Variants in PCSK6 observed in about 807,000 individuals in gnomAD.
The protein encoded by PCSK6 is proprotein convertase subtilisin/kexin type 6.
Under a neutral mutation model 123.3 loss-of-function variants are expected in PCSK6, and 85 were observed. The observed-to-expected ratio is 0.69, with a 90% CI of 0.58 to 0.83. The LOEUF is 0.83. Ranked by LOEUF, PCSK6 falls within the 40% of genes least tolerant of loss-of-function variation. The pLI, the probability that PCSK6 is intolerant of heterozygous loss-of-function variation, is 0.00. For synonymous variants in PCSK6, 508 were observed against 516.0 expected (o/e 0.98, Z 0.21); for missense variants, 1,191 against 1,282.3 (o/e 0.93, Z 1.09).
chr15:101,306,226 G>T (rs74041986), intron 21 of PCSK6, among the ~76,000 whole-genome samples: 4,690 of 152,186 alleles, frequency 0.031, 203 homozygotes, highest in African/African-American at 0.087. Context: ...ATCATCCGTG[G>T]ACCTGGGAGG....
intron 18 of PCSK6, among the ~76,000 whole-genome samples, chr15:101,322,212 CT>C: frequency 6.6e-6 from 1 of 152,210 alleles, no homozygotes; most frequent in Non-Finnish European, 1.5e-5. Context: ...GCGAGGGGAA[CT>C]GGAGCAGGTG....
chr15:101,363,922 GCCA>G (rs1223130402), intron 13 of PCSK6, among the ~76,000 whole-genome samples: 1 of 152,028 alleles, frequency 6.6e-6, no homozygotes, highest in Non-Finnish European at 1.5e-5. Flanking sequence ...ACAGGCATGA[GCCA>G]CCGCGCCCAG....
At chr15:101,350,681 G>C (rs1019367617) in intron 13 of PCSK6, among the ~76,000 whole-genome samples, 1 of 152,176 alleles carries the variant, frequency 6.6e-6, no homozygotes, top group Non-Finnish European at 1.5e-5. Context: ...TATATTCCTG[G>C]GGAGGACTGG....
chr15:101,352,476 T>A (rs2040918981), intron 13 of PCSK6, among the ~76,000 whole-genome samples: 1 of 152,210 alleles, frequency 6.6e-6, no homozygotes, highest in African/African-American at 2.4e-5. Context: ...AATTTCTAAT[T>A]TTATGTGTAT....
intron 11 of PCSK6, among the ~76,000 whole-genome samples, chr15:101,376,033 C>G (rs2041729536): frequency 6.6e-6 from 1 of 152,104 alleles, no homozygotes; most frequent in African/African-American, 2.4e-5. Flanking sequence ...GACTCCATCT[C>G]AAATAAAAAC....
intron 1 of PCSK6, among the ~76,000 whole-genome samples, chr15:101,447,923 T>G (rs922805849): frequency 1.3e-5 from 2 of 152,222 alleles, no homozygotes; most frequent in African/African-American, 4.8e-5. Flanking sequence ...CTCCTCCTCC[T>G]TCCCTCGATT....
intron 7 of PCSK6, among the ~76,000 whole-genome samples, chr15:101,396,380 T>A (rs1165146065): frequency 6.6e-6 from 1 of 151,986 alleles, no homozygotes; most frequent in East Asian, 1.9e-4. Context: ...CCAGGACCCC[T>A]CCTGGACGGA....
At chr15:101,459,116 C>T (rs191012129) in intron 1 of PCSK6, among the ~76,000 whole-genome samples, 306 of 152,264 alleles carry the variant, frequency 2.0e-3, no homozygotes, top group African/African-American at 7.0e-3. Context: ...CTGCTAGCTC[C>T]GCCCACTGAG....
Position 101,306,071 on chromosome 15 carries a change from G to A in PCSK6, c.2813-716C>T, listed in dbSNP as rs183017208. ...AAGACTGTAGGGGAGGCCGGAGGAC[G>A]GGCCTGGAGGCAGGAGGGAATGGAA... is the stretch of plus-strand genomic sequence containing the variant. On this transcript the variant is annotated intron_variant, in intron 21 of 21. Transcript: ENST00000611716. 9.2e-5 allele frequency among the ~76,000 whole-genome samples: 14 copies of A among 152,092 alleles called. 1 individual carries two copies. Among genetic ancestry groups the A allele is most frequent in the Admixed American group, 2.6e-4 (4 of 15,280 alleles).
At chr15:101,473,399 T>C (rs916040037) in intron 1 of PCSK6, among the ~76,000 whole-genome samples, 2 of 152,214 alleles carry the variant, frequency 1.3e-5, no homozygotes, top group African/African-American at 4.8e-5. Context: ...TAAGCCACCA[T>C]GCCTAGCCTT....
At chr15:101,458,613 C>T (rs942975552) in intron 1 of PCSK6, among the ~76,000 whole-genome samples, 5 of 152,136 alleles carry the variant, frequency 3.3e-5, no homozygotes, top group African/African-American at 1.2e-4. Context: ...CCAGCGCAAA[C>T]AGACCCCAGC....
At chr15:101,345,285 CACG>C (rs1305453578) in intron 13 of PCSK6, among the ~76,000 whole-genome samples, 5 of 152,060 alleles carry the variant, frequency 3.3e-5, no homozygotes, top group Admixed American at 3.3e-4. Context: ...AATAAAAGTC[CACG>C]ACATCTTTTA....
intron 2 of PCSK6, among the ~76,000 whole-genome samples, chr15:101,436,124 T>A (rs1422855141): frequency 1.5e-5 from 1 of 65,492 alleles, no homozygotes; most frequent in Non-Finnish European, 2.9e-5. Context: ...ACCATGTCCT[T>A]CTGCCCTAAC....
At chr15:101,318,483 C>A in intron 18 of PCSK6, 61 bp from the exon 19 acceptor site, 1 of 1,323,954 alleles carries the variant, frequency 7.6e-7, no homozygotes, top group Non-Finnish European at 1.1e-6. Flanking sequence ...ATGACTTGCC[C>A]TCTAGCACCT....
intron 6 of PCSK6, among the ~76,000 whole-genome samples, chr15:101,400,022 T>G (rs376873551): frequency 6.6e-6 from 1 of 152,198 alleles, no homozygotes; most frequent in East Asian, 1.9e-4. Flanking sequence ...TTGGCTATTT[T>G]CTTTTCTTTT....
intron 21 of PCSK6, among the ~76,000 whole-genome samples, chr15:101,306,026 T>C (rs918961152): frequency 1.3e-5 from 2 of 149,784 alleles, no homozygotes; most frequent in African/African-American, 2.5e-5. Flanking sequence ...GGACAACTGC[T>C]GGCAGTGGAG....
rs563345845 is a variant in PCSK6, at chr15:101,401,163, T to G, written c.824-2587A>C. Reference sequence around the variant, plus strand: ...GTCAGAGAAATTTACACCAAGGCAATAGCAAGGTTGAGGCATAGGAGACAT... The same window carrying G: ...GTCAGAGAAATTTACACCAAGGCAAGAGCAAGGTTGAGGCATAGGAGACAT... On this transcript the variant is annotated intron_variant, in intron 6 of 21. Coordinates refer to ENST00000611716, the MANE Select transcript of PCSK6 (RefSeq NM_002570.5). Among the ~76,000 whole-genome samples, 3 of 152,310 alleles carry G rather than the reference T, an allele frequency of 2.0e-5. No individual in the cohort carries two copies. The East Asian group carries it at 5.8e-4, about 29-fold the overall frequency.
At chr15:101,373,764 C>A (rs2041652423) in intron 11 of PCSK6, among the ~76,000 whole-genome samples, 2 of 152,212 alleles carry the variant, frequency 1.3e-5, no homozygotes, top group Admixed American at 6.5e-5. Context: ...TGGTTCTCCA[C>A]CCTACAGTTA....
At chr15:101,444,235 G>T (rs934164052) in intron 1 of PCSK6, among the ~76,000 whole-genome samples, 2 of 152,182 alleles carry the variant, frequency 1.3e-5, no homozygotes, top group Admixed American at 1.3e-4. Flanking sequence ...GGGGCAGTTT[G>T]TCAGGACAGA....
Sources: gnomAD v4.1 joint callset for allele counts (sites outside exome capture counted in the v4.1 genomes callset) on GRCh38, gnomAD v4.1.1 for gene constraint, MANE v1.5 for transcripts, NCBI Gene and HGNC (gene_info 2026-07-23, HGNC 2026-07-21) for gene names.